Variants in SYNE3 observed in about 807,000 individuals in gnomAD.
The protein encoded by SYNE3 is nesprin-3.
A neutral mutation model predicts 111.2 loss-of-function variants in SYNE3; 100 were observed. The observed-to-expected ratio is 0.90, with a 90% CI of 0.77 to 1.06. SYNE3 has a LOEUF of 1.06. Ranked by LOEUF, SYNE3 falls within the 50% of genes least tolerant of loss-of-function variation. SYNE3 has a pLI of 0.00. For missense variants in SYNE3, 1,160 were observed against 1,240.3 expected (o/e 0.94, Z 0.97); for synonymous variants, 547 against 533.9 (o/e 1.02, Z -0.34).
At position 95,409,540 on chromosome 14, in the gene SYNE3, G is replaced by C. The variant is rs1595161256; in HGVS notation, c.*8286C>G. 2 of 387,412 alleles carry C rather than the reference G, an allele frequency of 5.2e-6. No individual in the cohort carries two copies. Among genetic ancestry groups the C allele is most frequent in the Non-Finnish European group, 1.0e-5 (2 of 197,536 alleles). 24.0% of individuals were successfully genotyped at this position (387,412 alleles called of 1,614,324 possible). On this transcript the variant is annotated 3_prime_UTR_variant, in exon 18 of 18. Transcript: ENST00000682763. ...GTCTCTCGGCTGGACAAGGTGGTTG[G>C]GTTGGGGATGATGTTACCATGACAA... is the stretch of plus-strand genomic sequence containing the variant.
intron 1 of SYNE3, among the ~76,000 whole-genome samples, chr14:95,480,788 A>G (rs569522545): frequency 6.6e-6 from 1 of 152,194 alleles, no homozygotes; most frequent in Admixed American, 6.5e-5. Context: ...GCCATGGAAG[A>G]GAAGGTGCTA....
chr14:95,455,212 C>T (rs559270005), intron 6 of SYNE3, among the ~76,000 whole-genome samples, 165 bp downstream of exon 6: 1 of 152,334 alleles, frequency 6.6e-6, no homozygotes, highest in East Asian at 1.9e-4. Context: ...AAACACCCAA[C>T]TTGTCTACTC....
At chr14:95,452,707 G>A (rs529530344) in intron 6 of SYNE3, among the ~76,000 whole-genome samples, 34 of 152,350 alleles carry the variant, frequency 2.2e-4, no homozygotes, top group Admixed American at 5.2e-4. Context: ...GCCAGGCTGA[G>A]CGCCCTGGGT....
At chr14:95,488,694 A>G (rs1248458425) in intron 1 of SYNE3, among the ~76,000 whole-genome samples, 14 of 94,204 alleles carry the variant, frequency 1.5e-4, no homozygotes, top group African/African-American at 6.3e-4. Context: ...AGGGAAGGGG[A>G]AGGGAGGAGA....
In SYNE3 at chr14:95,440,087, C is replaced by G. The variant is rs754230781; in HGVS notation, c.1912-12G>C. ...CTGTCCACAAGGTCCTGCAGCACAG[C>G]CCGGGGAGCCCAGGGCATCCTGAGT... On this transcript the variant is annotated splice_polypyrimidine_tract_variant and intron_variant, in intron 11 of 17. Coordinates refer to ENST00000682763, the MANE Select transcript of SYNE3 (RefSeq NM_152592.6). 2.5e-6 allele frequency: 4 copies of G among 1,586,520 alleles called. No individual in the cohort carries two copies. Among genetic ancestry groups the G allele is most frequent in the Middle Eastern group, 1.8e-4 (1 of 5,418 alleles).
chr14:95,442,084 C>T (rs553421243), intron 11 of SYNE3, among the ~76,000 whole-genome samples: 3 of 152,366 alleles, frequency 2.0e-5, no homozygotes, highest in African/African-American at 7.2e-5. Context: ...TTTTAACAAA[C>T]ATACTGACTT....
chr14:95,486,468 C>A (rs1889554457), intron 1 of SYNE3, among the ~76,000 whole-genome samples: 1 of 152,080 alleles, frequency 6.6e-6, no homozygotes, highest in Admixed American at 6.5e-5. Flanking sequence ...GTCTTCCCCA[C>A]AGAGGGACCC....
Position 95,501,097 on chromosome 14 carries a change from T to C in SYNE3, c.-15+15499A>G, listed in dbSNP as rs375557036. On this transcript the variant is annotated intron_variant, in intron 1 of 17. Transcript: ENST00000682763. Reference sequence around the variant, plus strand: ...GGACAATGCATGCCTTCTGCCTCCATAGAATGGGCACCACATGTGCTGGGC... The same window carrying C: ...GGACAATGCATGCCTTCTGCCTCCACAGAATGGGCACCACATGTGCTGGGC... Among the ~76,000 whole-genome samples the C allele has an allele frequency of 5.9e-5, 9 of 152,318 alleles. No homozygotes were observed. The East Asian group carries it at 1.2e-3, about 20-fold the overall frequency.
intron 1 of SYNE3, among the ~76,000 whole-genome samples, chr14:95,488,769 T>C (rs1889690134): frequency 7.5e-6 from 1 of 133,482 alleles, no homozygotes; most frequent in East Asian, 2.2e-4. Flanking sequence ...GCAAAACTGT[T>C]TTCCAAAGTG....
intron 2 of SYNE3, among the ~76,000 whole-genome samples, chr14:95,472,867 A>T (rs1459349995): frequency 6.6e-6 from 1 of 152,066 alleles, no homozygotes; most frequent in African/African-American, 2.4e-5. Flanking sequence ...TGGGAACATG[A>T]GGTCCCGGGA....
chr14:95,450,124 G>A lies in SYNE3; in HGVS notation c.1275-19C>T. 1.3e-6 allele frequency: 2 copies of A among 1,564,890 alleles called. No homozygotes were observed. The highest frequency in any genetic ancestry group is 1.7e-6 in the Non-Finnish European group (2 of 1,153,294). On this transcript the variant is annotated intron_variant, in intron 7 of 17. Coordinates refer to ENST00000682763, the MANE Select transcript of SYNE3 (RefSeq NM_152592.6). ...CTTCAGGCTGCAAGGAGCGTGGAGG[G>A]AGAAAATGAGGGAGGAGAGAGAGTG...
At chr14:95,437,028 CT>C (rs1303202122) in intron 14 of SYNE3, 47 bp from the exon 15 acceptor site, 11 of 1,611,590 alleles carry the variant, frequency 6.8e-6, no homozygotes, top group Admixed American at 1.7e-5. Flanking sequence ...AAGAGCCCCC[CT>C]GGCCATGTGT....
intron 1 of SYNE3, among the ~76,000 whole-genome samples, chr14:95,493,861 C>G (rs981072120): frequency 6.6e-6 from 1 of 152,210 alleles, no homozygotes; most frequent in Non-Finnish European, 1.5e-5. Flanking sequence ...GCTACTCAAT[C>G]CAATTCAATA....
chr14:95,513,735 G>GA (rs1281568740), intron 1 of SYNE3, among the ~76,000 whole-genome samples: 874 of 45,998 alleles, frequency 0.019, 18 homozygotes, highest in African/African-American at 0.073. Flanking sequence ...AGGCTGCTTA[G>GA]ATTATATATA....
intron 17 of SYNE3, among the ~76,000 whole-genome samples, chr14:95,428,272 T>G (rs992418535): frequency 3.3e-5 from 5 of 152,158 alleles, no homozygotes; most frequent in Admixed American, 6.5e-5. Context: ...ACAATCAGTG[T>G]GGTCCAAAGG....
At position 95,412,807 on chromosome 14, in the gene SYNE3, T is replaced by C. The variant is rs1419863793; in HGVS notation, c.*5019A>G. On this transcript the variant is annotated 3_prime_UTR_variant, in exon 18 of 18. Coordinates refer to ENST00000682763, the MANE Select transcript of SYNE3 (RefSeq NM_152592.6). ...AGACAGCATGTTTTTCCAGGAAGAA[T>C]ACTGTATGGGGAGCAAAACCAACAT... is the stretch of plus-strand genomic sequence containing the variant. 1.3e-5 allele frequency: 2 copies of C among 152,204 alleles called. No homozygotes were observed. Among genetic ancestry groups the C allele is most frequent in the Non-Finnish European group, 2.9e-5 (2 of 68,052 alleles). The allele number at this position is 152,204 out of a possible 1,614,324, so 9.4% of individuals were successfully genotyped here.
At chr14:95,480,830 C>G (rs964166731) in intron 1 of SYNE3, among the ~76,000 whole-genome samples, 1 of 152,226 alleles carries the variant, frequency 6.6e-6, no homozygotes, top group East Asian at 1.9e-4. Flanking sequence ...GCCCACACCA[C>G]GTGAGGCCCT....
chr14:95,498,029 T>TAAAAAA, intron 1 of SYNE3, among the ~76,000 whole-genome samples: 1 of 135,334 alleles, frequency 7.4e-6, no homozygotes, highest in Non-Finnish European at 1.6e-5. Flanking sequence ...TCCCAACTCT[T>TAAAAAA]AAAAAAAAAA....
intron 1 of SYNE3, among the ~76,000 whole-genome samples, chr14:95,479,316 C>T (rs976721128): frequency 1.3e-5 from 2 of 151,352 alleles, no homozygotes; most frequent in African/African-American, 4.9e-5. Context: ...ATGATGGTAC[C>T]ACTGCACCCT....
Sources: gnomAD v4.1 joint callset for allele counts (sites outside exome capture counted in the v4.1 genomes callset) on GRCh38, gnomAD v4.1.1 for gene constraint, MANE v1.5 for transcripts, NCBI Gene and HGNC (gene_info 2026-07-23, HGNC 2026-07-21) for gene names.